The following VAV3 variants were observed in gnomAD, a reference collection of about 807,000 sequenced individuals.
VAV3 encodes the protein guanine nucleotide exchange factor VAV3.
In VAV3, 94 loss-of-function variants were observed where a neutral mutation model predicts 131.2. That is an observed-to-expected ratio of 0.72 (90% CI 0.61 to 0.85). The LOEUF (loss-of-function observed/expected upper bound fraction) is 0.85. VAV3 is among the 40% of genes least tolerant of loss of function. The pLI, the probability that VAV3 is intolerant of heterozygous loss-of-function variation, is 0.00. For missense variants in VAV3, 939 were observed against 1,002.7 expected, an observed-to-expected ratio of 0.94 and a Z score of 0.86; for synonymous variants, 349 against 342.0, an observed-to-expected ratio of 1.02 and a Z score of -0.22.
Position 107,748,972 on chromosome 1 carries a change from C to T in VAV3, c.1498G>A (p.Ala500Thr), listed in dbSNP as rs1037337938. 1 of 1,585,860 alleles carries T rather than the reference C, an allele frequency of 6.3e-7. No individual in the cohort carries two copies. The highest frequency in any genetic ancestry group is 1.9e-5 in the Admixed American group (1 of 53,956). ...KKKWLEQFEMALSNIRPDYAD... is the reference protein window; with the variant it reads ...KKKWLEQFEMTLSNIRPDYAD... ...TTTAAAAATAGAAATACTCACAAAG[C>T]CATTTCAAACTGTTCTAGCCATTTC... is the stretch of plus-strand genomic sequence containing the variant. Residue 500 changes from alanine to threonine, a missense_variant, in exon 15 of 27, where the codon GCT (alanine) becomes ACT (threonine). Ala to Thr is a moderately conservative substitution (Grantham distance 58, BLOSUM62 0). Coordinates refer to ENST00000370056, the MANE Select transcript of VAV3 (RefSeq NM_006113.5).
chr1:107,754,618 C>T (rs543613296), intron 12 of VAV3, among the ~76,000 whole-genome samples: 1 of 152,272 alleles, frequency 6.6e-6, no homozygotes, highest in South Asian at 2.1e-4. Flanking sequence ...CCACTGCAGT[C>T]ACAATAAAAT....
At chr1:107,697,789 G>A (rs997353939) in intron 17 of VAV3, among the ~76,000 whole-genome samples, 4 of 152,062 alleles carry the variant, frequency 2.6e-5, no homozygotes, top group Admixed American at 6.6e-5. Context: ...ATGTCTTCTC[G>A]CAGCACTACA....
intron 1 of VAV3, among the ~76,000 whole-genome samples, chr1:107,886,903 A>G (rs777540034): frequency 6.6e-6 from 1 of 152,224 alleles, no homozygotes; most frequent in Non-Finnish European, 1.5e-5. Context: ...CAGAAAAATT[A>G]AGTTTAAAAA....
At chr1:107,818,631 A>T (rs1200586767) in intron 2 of VAV3, among the ~76,000 whole-genome samples, 4 of 152,240 alleles carry the variant, frequency 2.6e-5, no homozygotes, top group Non-Finnish European at 5.9e-5. Flanking sequence ...ACATTTTTTA[A>T]AAAACAAGCT....
chr1:107,775,257 A>G (rs971026424), intron 4 of VAV3, among the ~76,000 whole-genome samples: 11 of 152,152 alleles, frequency 7.2e-5, no homozygotes, highest in African/African-American at 2.4e-4. Context: ...ATAAAAATTT[A>G]TAGGTGTAAG....
intron 1 of VAV3, among the ~76,000 whole-genome samples, chr1:107,927,280 T>C (rs1157771109): frequency 6.6e-6 from 1 of 152,124 alleles, no homozygotes; most frequent in Non-Finnish European, 1.5e-5. Flanking sequence ...GGTCCCTGAA[T>C]AACCATTATC....
chr1:107,920,746 C>G (rs1352581332), intron 1 of VAV3, among the ~76,000 whole-genome samples: 1 of 152,156 alleles, frequency 6.6e-6, no homozygotes, highest in East Asian at 1.9e-4. Flanking sequence ...GGATCCTCCC[C>G]CTACTGAATT....
At position 107,910,342 on chromosome 1, in the gene VAV3, G is replaced by A. The variant is rs193190923; in HGVS notation, c.205-35325C>T. The stretch of plus-strand genomic sequence containing the variant: ...CATAAGTGATAAAATCCCCTCTTCC[G>A]TGTCCTGAAGAAGACAATCACATAC... On this transcript the variant is annotated intron_variant, in intron 1 of 26. Coordinates refer to ENST00000370056, the MANE Select transcript of VAV3 (RefSeq NM_006113.5). Among the ~76,000 whole-genome samples the A allele has an allele frequency of 8.5e-5, 13 of 152,292 alleles. 1 individual carries two copies. The highest frequency in any genetic ancestry group is 2.4e-4 in the African/African-American group (10 of 41,562).
intron 1 of VAV3, among the ~76,000 whole-genome samples, chr1:107,918,895 C>G (rs950645267): frequency 3.3e-5 from 5 of 151,600 alleles, no homozygotes; most frequent in Admixed American, 1.3e-4. Context: ...TTAGTAGAGA[C>G]AGGGTTTCAC....
chr1:107,574,389 T>G (rs1322597292), intron 25 of VAV3, among the ~76,000 whole-genome samples, 191 bp from the exon 26 acceptor site: 2 of 152,214 alleles, frequency 1.3e-5, no homozygotes, highest in African/African-American at 4.8e-5. Context: ...GCAAATTCGC[T>G]TCATAAGTTT....
At chr1:107,670,216 T>C (rs1657684946) in intron 19 of VAV3, among the ~76,000 whole-genome samples, 1 of 152,190 alleles carries the variant, frequency 6.6e-6, no homozygotes, top group Non-Finnish European at 1.5e-5. Flanking sequence ...TTTCCATCAC[T>C]GCTGGCTCTT....
In VAV3 at chr1:107,573,288, T is replaced by G; in HGVS notation, c.*43A>C. The G allele has an allele frequency of 6.2e-7, 1 of 1,608,564 alleles. No individual in the cohort carries two copies. The highest frequency in any genetic ancestry group is 8.5e-7 in the Non-Finnish European group (1 of 1,177,798). On this transcript the variant is annotated 3_prime_UTR_variant, in exon 27 of 27. Coordinates refer to ENST00000370056, the MANE Select transcript of VAV3 (RefSeq NM_006113.5). ...TGCTGTGCAGGCTTCTATTTATCCCTTCTCTGAAATTTTTGGTGCAGGGTG... is the reference window on the plus strand; with the variant it reads ...TGCTGTGCAGGCTTCTATTTATCCCGTCTCTGAAATTTTTGGTGCAGGGTG...
rs1663696883 is a variant in VAV3, at chr1:107,751,128, G to T, written c.1248C>A (p.Thr416=). The change falls in exon 13 of 27, where the codon ACC becomes ACA. Residue 416 remains threonine (T), a synonymous_variant. Transcript: ENST00000370056. ...TCTTCTTTTCTTACCTTTCTTGTTT[G>T]GTATGCTTGTCTAGAGTGGTTATTC... The part of the protein sequence containing the change: ...EIRITTLDKH[T]KQERHIFLFD... The T allele has an allele frequency of 1.2e-6, 2 of 1,609,362 alleles. No individual in the cohort carries two copies. Among genetic ancestry groups the T allele is most frequent in the African/African-American group, 1.3e-5 (1 of 74,602 alleles).
chr1:107,939,434 C>T (rs1375700744), intron 1 of VAV3, among the ~76,000 whole-genome samples: 3 of 152,120 alleles, frequency 2.0e-5, no homozygotes, highest in Admixed American at 6.6e-5. Context: ...TATGCAGTTC[C>T]GTACTTTCTC....
chr1:107,778,771 A>G (rs1665519798), intron 3 of VAV3, among the ~76,000 whole-genome samples: 1 of 152,160 alleles, frequency 6.6e-6, no homozygotes, highest in Admixed American at 6.5e-5. Context: ...CTGAGTAGAG[A>G]CTGTTTTGCT....
At chr1:107,914,561 T>C (rs1012162497) in intron 1 of VAV3, among the ~76,000 whole-genome samples, 23 of 152,236 alleles carry the variant, frequency 1.5e-4, no homozygotes, top group Admixed American at 1.4e-3. Context: ...CCGTAACCTG[T>C]CTTGCACAAA....
intron 1 of VAV3, among the ~76,000 whole-genome samples, chr1:107,887,883 T>C (rs1048047714): frequency 6.6e-5 from 10 of 152,210 alleles, no homozygotes; most frequent in Non-Finnish European, 1.3e-4. Flanking sequence ...TTTTCTGCTT[T>C]GTCATTTTTG....
chr1:107,749,373 A>T lies in VAV3; in HGVS notation c.1392+89T>A, dbSNP rs910654200. 48 of 1,368,878 alleles carry T rather than the reference A, an allele frequency of 3.5e-5. No homozygotes were observed. In the Admixed American group the frequency reaches 5.2e-4, roughly 15 times the overall value. The allele number at this position is 1,368,878 out of a possible 1,614,324, so 84.8% of individuals were successfully genotyped here. A position where few individuals can be genotyped will look rare whatever the true frequency, so the allele number is the denominator to read the frequency against. On this transcript the variant is annotated intron_variant, in intron 14 of 26. Transcript: ENST00000370056. Reference sequence around the variant, plus strand: ...AGAAACAAAAACATCTGGATTGATAAGCCATATCTCACATTAATGTATTAT... The same window carrying T: ...AGAAACAAAAACATCTGGATTGATATGCCATATCTCACATTAATGTATTAT...
At chr1:107,776,734 A>G (rs1482130554) in intron 4 of VAV3, among the ~76,000 whole-genome samples, 4 of 152,224 alleles carry the variant, frequency 2.6e-5, no homozygotes, top group Non-Finnish European at 4.4e-5. Flanking sequence ...AAGTCACTCA[A>G]TCAGCAGAAG....
Sources: gnomAD v4.1 joint callset for allele counts (sites outside exome capture counted in the v4.1 genomes callset) on GRCh38, gnomAD v4.1.1 for gene constraint, MANE v1.5 for transcripts, NCBI Gene and HGNC (gene_info 2026-07-23, HGNC 2026-07-21) for gene names.